The following MUC5B variants were observed in gnomAD, a reference collection of about 807,000 sequenced individuals.
MUC5B encodes mucin-5B.
In MUC5B, 116 loss-of-function variants were observed where a neutral mutation model predicts 376.9. The observed-to-expected ratio is 0.31, with a 90% CI of 0.26 to 0.36. MUC5B has a LOEUF of 0.36. Among genes scored for constraint, MUC5B ranks in the 10% least tolerant of loss-of-function variants. The probability of loss-of-function intolerance (pLI) is 1.00; values close to 1 mark genes in which losing one functional copy is unlikely to be tolerated. For missense variants in MUC5B, 7,165 were observed against 7,769.9 expected (o/e 0.92, Z 2.93); for synonymous variants, 3,517 against 3,390.9 (o/e 1.04, Z -1.29).
rs758051016 is a variant in MUC5B at position 1,246,069 on chromosome 11, T to C, written c.9189T>C (p.Ala3063=). 1 of 1,611,772 alleles carries C rather than the reference T, an allele frequency of 6.2e-7. No homozygotes were observed. The highest frequency in any genetic ancestry group is 8.5e-7 in the Non-Finnish European group (1 of 1,179,336). ...VLTSTATKST[A]TSFTPIPSFT... The stretch of plus-strand genomic sequence containing the variant: ...CAAGCACAGCCACCAAATCCACAGC[T>C]ACCAGCTTTACACCCATCCCCTCCT... The change falls in exon 31 of 49, where the codon GCT becomes GCC. Residue 3063 remains alanine (A), a synonymous_variant. Coordinates refer to ENST00000529681, the MANE Select transcript of MUC5B (RefSeq NM_002458.3).
rs982429715 is a variant in MUC5B at position 1,261,380 on chromosome 11, C to T, written c.17070-9C>T. 19 of 1,540,152 alleles carry T rather than the reference C, an allele frequency of 1.2e-5. No homozygotes were observed. The highest frequency in any genetic ancestry group is 9.6e-5 in the African/African-American group (7 of 72,976). ...GGTGGCTGATGTGAGGGCCACCCTG[C>T]GTCCACAGGTACTCAGCAGAGGCCC... On this transcript the variant is annotated splice_polypyrimidine_tract_variant and intron_variant, in intron 48 of 48. Transcript: ENST00000529681.
chr11:1,236,985 C>T lies in MUC5B; in HGVS notation c.3118C>T (p.Arg1040Cys), dbSNP rs758748675. ...DDNAINDFAT[R>C]SRSVVGDALE... ...CAATGCCATCAATGACTTTGCCACG[C>T]GTAGCCGGTCCGTGGTGGGGGACGC... Residue 1040 changes from arginine to cysteine, a missense_variant, in exon 25 of 49, where the codon CGT (arginine) becomes TGT (cysteine). Physicochemically the swap from Arg to Cys is radical, Grantham distance 180. Transcript: ENST00000529681. The T allele has an allele frequency of 1.2e-5, 18 of 1,564,952 alleles. No individual in the cohort carries two copies. The highest frequency in any genetic ancestry group is 2.7e-5 in the African/African-American group (2 of 73,398).
Position 1,232,048 on chromosome 11 carries a change from C to CGG in MUC5B, c.1734_1735dup (p.Val579GlyfsTer48). 2 of 1,612,804 alleles carry CGG rather than the reference C, an allele frequency of 1.2e-6. No homozygotes were observed. Among genetic ancestry groups the CGG allele is most frequent in the Non-Finnish European group, 1.7e-6 (2 of 1,179,812 alleles). ...AGGCTGACGACTTCACGGCCCTCAG[C>CGG]GGGGTGGTGGAGGCCACGGGCGCAG... On this transcript the variant is annotated frameshift_variant, in exon 15 of 49. Transcript: ENST00000529681. LOFTEE classifies it high-confidence loss of function.
Position 1,241,383 on chromosome 11 carries a change from C to T in MUC5B, c.4503C>T (p.Thr1501=), listed in dbSNP as rs773838518. The T allele has an allele frequency of 1.9e-6, 3 of 1,613,590 alleles. No individual in the cohort carries two copies. Among genetic ancestry groups the T allele is most frequent in the African/African-American group, 1.3e-5 (1 of 75,050 alleles). The change falls in exon 31 of 49, where the codon ACC becomes ACT. Residue 1501 remains threonine (T), a synonymous_variant. Coordinates refer to ENST00000529681, the MANE Select transcript of MUC5B (RefSeq NM_002458.3). ...TCACCCCCTCGGCCCCAGGTACCAC[C>T]ACCTGCCAGCCCCGGTGTCAGTGGA... ...VTVTPSAPGT[T]TCQPRCQWTE... is the part of the protein sequence containing the mutation.
intron 15 of MUC5B, 72 bp downstream of exon 15, chr11:1,232,232 C>T (rs951264272): frequency 1.3e-6 from 2 of 1,481,736 alleles, no homozygotes; most frequent in African/African-American, 1.4e-5. Flanking sequence ...TCCCCTGGGC[C>T]ACGGGGACCC....
chr11:1,223,851 C>G (rs915699175), intron 1 of MUC5B, among the ~76,000 whole-genome samples: 20 of 152,240 alleles, frequency 1.3e-4, no homozygotes, highest in African/African-American at 4.6e-4. Flanking sequence ...GATGCAGCCC[C>G]AGGGGCCACC....
Position 1,251,660 on chromosome 11 carries a change from C to A in MUC5B, c.14780C>A (p.Thr4927Asn), listed in dbSNP as rs1268110324. 6.2e-7 allele frequency: 1 copy of A among 1,613,130 alleles called. No individual in the cohort carries two copies. Among genetic ancestry groups the A allele is most frequent in the South Asian group, 1.1e-5 (1 of 91,086 alleles). The change falls in exon 31 of 49, where the codon ACC (threonine) becomes AAC (asparagine). Residue 4927 changes from threonine (T) to asparagine (N), a missense_variant. Coordinates refer to ENST00000529681, the MANE Select transcript of MUC5B (RefSeq NM_002458.3). ...TCCACTGTGTCCTCCTCAGTCCTCACCACCCTGAGACCCACTGGCTTCCCC... is the reference window on the plus strand; with the variant it reads ...TCCACTGTGTCCTCCTCAGTCCTCAACACCCTGAGACCCACTGGCTTCCCC... ...SVSTVSSSVL[T>N]TLRPTGFPSS...
chr11:1,228,039 G>A (rs1367084338), intron 7 of MUC5B, among the ~76,000 whole-genome samples: 2 of 152,206 alleles, frequency 1.3e-5, no homozygotes, highest in Non-Finnish European at 1.5e-5. Context: ...GCTGAGGGTG[G>A]GCACTCGGGA....
In MUC5B at chr11:1,231,566, G is replaced by A. The variant is rs761124444; in HGVS notation, c.1678+6G>A. ...CCACCAGGGCCAGATGTGCGGTGAG[G>A]CTGGGCAGGGGCCTTCGGGGACAGG... On this transcript the variant is annotated splice_donor_region_variant and intron_variant, in intron 14 of 48. Transcript: ENST00000529681. 1 of 1,565,322 alleles carries A rather than the reference G, an allele frequency of 6.4e-7. No homozygotes were observed.
In MUC5B at chr11:1,252,820, C is replaced by T; in HGVS notation, c.15057C>T (p.Thr5019=). Residue 5019 remains threonine, a synonymous_variant, in exon 33 of 49, where the codon ACC becomes ACT. Coordinates refer to ENST00000529681, the MANE Select transcript of MUC5B (RefSeq NM_002458.3). ...NAIPLRQVNE[T]WTLENCTVAR... ...GTTCCCTGCCCCAGGTGAATGAGAC[C>T]TGGACCCTGGAGAACTGCACGGTGG... 6.2e-7 allele frequency: 1 copy of T among 1,608,952 alleles called. No individual in the cohort carries two copies. Among genetic ancestry groups the T allele is most frequent in the East Asian group, 2.2e-5 (1 of 44,678 alleles).
chr11:1,252,547 C>T (rs560849465), intron 32 of MUC5B, 23 bp downstream of exon 32: 1 of 1,519,266 alleles, frequency 6.6e-7, no homozygotes, highest in Non-Finnish European at 8.8e-7. Flanking sequence ...TGCCCTCCAC[C>T]TCCCGTGCTG....
intron 14 of MUC5B, 52 bp downstream of exon 14, chr11:1,231,612 G>C: frequency 6.6e-7 from 1 of 1,518,106 alleles, no homozygotes; most frequent in Non-Finnish European, 8.8e-7. Flanking sequence ...ACGGGGCCTG[G>C]ACTAGCGCCA....
At position 1,233,798 on chromosome 11, in the gene MUC5B, G is replaced by A. The variant is rs1862091393; in HGVS notation, c.2327G>A (p.Cys776Tyr). The change falls in exon 19 of 49, where the codon TGT becomes TAT. Residue 776 changes from cysteine (C) to tyrosine (Y), a missense_variant. Cys to Tyr is a radical substitution (Grantham distance 194, BLOSUM62 -2). Coordinates refer to ENST00000529681, the MANE Select transcript of MUC5B (RefSeq NM_002458.3). ...GTGCCGTCTGTCTCTTGTAGTTCAT[G>A]TACGGGTGGGAAGCTAAGCTGCCTG... is the stretch of plus-strand genomic sequence containing the variant. ...VVHDEGAVCS[C>Y]TGGKLSCLGA... 6.2e-7 allele frequency: 1 copy of A among 1,604,866 alleles called. No homozygotes were observed. The highest frequency in any genetic ancestry group is 1.7e-5 in the Admixed American group (1 of 59,058).
rs1418909136 is a variant in MUC5B at position 1,246,991 on chromosome 11, A to T, written c.10111A>T (p.Thr3371Ser). 1 of 1,565,586 alleles carries T rather than the reference A, an allele frequency of 6.4e-7. No individual in the cohort carries two copies. Residue 3371 changes from threonine to serine, a missense_variant, in exon 31 of 49, where the codon ACT becomes TCT. Physicochemically the swap from Thr to Ser is moderately conservative, Grantham distance 58. Coordinates refer to ENST00000529681, the MANE Select transcript of MUC5B (RefSeq NM_002458.3). The part of the protein sequence containing the change: ...VLTTTTTTVA[T>S]GSMATPSSST... Reference sequence around the variant, plus strand: ...GACCACCACCACCACAACTGTGGCCACTGGTTCTATGGCAACACCCTCCTC... The same window carrying T: ...GACCACCACCACCACAACTGTGGCCTCTGGTTCTATGGCAACACCCTCCTC...
At position 1,226,515 on chromosome 11, in the gene MUC5B, A is replaced by G; in HGVS notation, c.200-100A>G. On this transcript the variant is annotated intron_variant, in intron 3 of 48. Coordinates refer to ENST00000529681, the MANE Select transcript of MUC5B (RefSeq NM_002458.3). ...GGCAGGGCACAGCCAGCAGCCGACC[A>G]TGGGCTTTTCCATTCCAAAAACCAG... 3 of 1,466,164 alleles carry G rather than the reference A, an allele frequency of 2.0e-6. No individual in the cohort carries two copies. The Admixed American group carries it at 6.2e-5, about 30-fold the overall frequency. The allele number at this position is 1,466,164 out of a possible 1,614,324, so 90.8% of individuals were successfully genotyped here.
rs1038042909 is a variant in MUC5B, at chr11:1,253,088, G to C, written c.15217+108G>C. On this transcript the variant is annotated intron_variant, in intron 33 of 48. Coordinates refer to ENST00000529681, the MANE Select transcript of MUC5B (RefSeq NM_002458.3). This position sits in a 1 kb window ranked among gnomAD's most constrained non-coding sequence, Gnocchi z 4.3. ...TGGTGGGGCACAGTGGGGTGCAGTG[G>C]GGAATGGTGGGGCATGGTGGGGCAT... The C allele has an allele frequency of 7.1e-6, 9 of 1,259,242 alleles. No individual in the cohort carries two copies. Among genetic ancestry groups the C allele is most frequent in the Admixed American group, 2.0e-5 (1 of 50,082 alleles). 78.0% of individuals were successfully genotyped at this position (1,259,242 alleles called of 1,614,324 possible).
In MUC5B at chr11:1,233,843, G is replaced by A. The variant is rs1253032315; in HGVS notation, c.2372G>A (p.Ser791Asn). The A allele has an allele frequency of 3.7e-6, 6 of 1,600,082 alleles. No homozygotes were observed. The highest frequency in any genetic ancestry group is 1.8e-4 in the Middle Eastern group (1 of 5,674). Residue 791 changes from serine to asparagine, a missense_variant, in exon 19 of 49, where the codon AGC (serine) becomes AAC (asparagine). Ser to Asn is a conservative substitution (Grantham distance 46). Transcript: ENST00000529681. Reference protein sequence around the residue: ...LSCLGASLQKSTGCAAPMVYL... With the variant: ...LSCLGASLQKNTGCAAPMVYL... ...TGCCTGGGAGCCTCTCTGCAGAAAA[G>A]CACAGGTAAGTGCCACCCCTGCCCT...
rs2943492 is a variant in MUC5B at position 1,245,963 on chromosome 11, C to G, written c.9083C>G (p.Thr3028Arg). The G allele has an allele frequency of 0.012, 19,980 of 1,613,262 alleles. 188 individuals are homozygous for G. Among genetic ancestry groups the G allele is most frequent in the Non-Finnish European group, 0.013 (15,666 of 1,179,772 alleles). The change falls in exon 31 of 49, where the codon ACG becomes AGG. Residue 3028 changes from threonine (T) to arginine (R), a missense_variant. Physicochemically the swap from Thr to Arg is moderately conservative, Grantham distance 71. Coordinates refer to ENST00000529681, the MANE Select transcript of MUC5B (RefSeq NM_002458.3). ...TAPPPKVLTS[T>R]ATTPTATSSK... ...CCCCCTCCCAAAGTGCTGACCAGCA[C>G]GGCCACCACACCCACAGCCACCAGT... is the stretch of plus-strand genomic sequence containing the variant.
At position 1,253,043 on chromosome 11, in the gene MUC5B, T is replaced by C; in HGVS notation, c.15217+63T>C. 7 of 1,585,530 alleles carry C rather than the reference T, an allele frequency of 4.4e-6. No homozygotes were observed. Among genetic ancestry groups the C allele is most frequent in the South Asian group, 1.1e-5 (1 of 89,706 alleles). ...AGGTGGAGCAGAGTGCACCGTCGGC[T>C]AGGCTGGCAGAATGGGGCATGGTGG... On this transcript the variant is annotated intron_variant, in intron 33 of 48. Transcript: ENST00000529681. The surrounding 1 kb of genome is among the most constrained non-coding windows in gnomAD (Gnocchi z 4.3).
Sources: gnomAD v4.1 joint callset for allele counts (sites outside exome capture counted in the v4.1 genomes callset) on GRCh38, gnomAD v4.1.1 for gene constraint, Gnocchi (gnomAD v3.1) non-coding constraint, MANE v1.5 for transcripts, NCBI Gene and HGNC (gene_info 2026-07-23, HGNC 2026-07-21) for gene names.